The following BCAR3 variants were observed in gnomAD, a reference collection of about 807,000 sequenced individuals.
The protein encoded by BCAR3 is breast cancer anti-estrogen resistance protein 3.
BCAR3 carries 37 observed loss-of-function variants against 80.1 expected under a neutral mutation model. That is an observed-to-expected ratio of 0.46 (90% CI 0.36 to 0.61). The LOEUF (loss-of-function observed/expected upper bound fraction) is 0.61, where lower values mean the gene tolerates loss of function less well. Among genes scored for constraint, BCAR3 ranks in the 20% least tolerant of loss-of-function variants. BCAR3 has a pLI of 0.00. For synonymous variants in BCAR3, 389 were observed against 418.9 expected, an observed-to-expected ratio of 0.93 and a Z score of 0.87; for missense variants, 978 against 1,068.2, an observed-to-expected ratio of 0.92 and a Z score of 1.18.
chr1:93,845,359 A>C (rs936275000), intron 2 of BCAR3, among the ~76,000 whole-genome samples: 1 of 151,762 alleles, frequency 6.6e-6, no homozygotes, highest in Non-Finnish European at 1.5e-5. Flanking sequence ...AAATAAATAC[A>C]ATTTAAAACC....
intron 2 of BCAR3, among the ~76,000 whole-genome samples, chr1:93,668,437 G>T (rs1183588556): frequency 6.6e-6 from 1 of 152,174 alleles, no homozygotes; most frequent in Non-Finnish European, 1.5e-5. Context: ...TGACCCAGCT[G>T]CTCCTGTCCT....
chr1:93,686,767 C>T (rs190599330), upstream of BCAR3, among the ~76,000 whole-genome samples: 5 of 152,212 alleles, frequency 3.3e-5, no homozygotes, highest in Non-Finnish European at 7.3e-5. Flanking sequence ...GCTGGAGGGA[C>T]AAACTCAGTT....
intron 1 of BCAR3, among the ~76,000 whole-genome samples, chr1:93,846,573 T>C (rs1381619867): frequency 6.6e-6 from 1 of 152,072 alleles, no homozygotes; most frequent in Non-Finnish European, 1.5e-5. Context: ...CGCACCCTTC[T>C]GGGCAGCGGC....
chr1:93,633,673 C>T (rs144179547), intron 3 of BCAR3, among the ~76,000 whole-genome samples: 112 of 152,320 alleles, frequency 7.4e-4, no homozygotes, highest in African/African-American at 2.5e-3. Flanking sequence ...CTGGCTCTAT[C>T]GCCCAGTCTG....
chr1:93,744,279 T>C (rs539398451), intron 2 of BCAR3, among the ~76,000 whole-genome samples: 1 of 152,296 alleles, frequency 6.6e-6, no homozygotes, highest in South Asian at 2.1e-4. Flanking sequence ...CCAGGTAAAG[T>C]ATGAAGTTGG....
intron 2 of BCAR3, among the ~76,000 whole-genome samples, chr1:93,745,449 C>T (rs572142732): frequency 6.6e-6 from 1 of 152,330 alleles, no homozygotes; most frequent in Non-Finnish European, 1.5e-5. Flanking sequence ...ATGTTAGCTT[C>T]TTGAGCTGAA....
intron 3 of BCAR3, among the ~76,000 whole-genome samples, chr1:93,595,408 G>A (rs1320581512): frequency 1.3e-5 from 2 of 152,242 alleles, no homozygotes; most frequent in African/African-American, 4.8e-5. Flanking sequence ...CAGCCAGTGA[G>A]GGCTGGCTCG....
At chr1:93,819,901 G>A (rs747824438) in intron 2 of BCAR3, among the ~76,000 whole-genome samples, 4 of 152,114 alleles carry the variant, frequency 2.6e-5, no homozygotes, top group Non-Finnish European at 5.9e-5. Context: ...ACAGTTTTCT[G>A]ATTCTCACCC....
chr1:93,820,398 C>T (rs530599036), intron 2 of BCAR3, among the ~76,000 whole-genome samples: 27 of 152,218 alleles, frequency 1.8e-4, no homozygotes, highest in Non-Finnish European at 3.2e-4. Context: ...AATCACAAGT[C>T]TCAGGTCTCC....
At chr1:93,728,317 G>A (rs1434083790) in intron 2 of BCAR3, among the ~76,000 whole-genome samples, 2 of 152,208 alleles carry the variant, frequency 1.3e-5, no homozygotes, top group African/African-American at 2.4e-5. Context: ...AGGTCGTGGG[G>A]CTCCCACCCC....
chr1:93,683,410 A>G (rs1459428538), upstream of BCAR3, among the ~76,000 whole-genome samples: 1 of 152,236 alleles, frequency 6.6e-6, no homozygotes, highest in Non-Finnish European at 1.5e-5. Context: ...TAGAAAAGCT[A>G]AATTAACATG....
chr1:93,666,849 A>G (rs1447162933), intron 2 of BCAR3, among the ~76,000 whole-genome samples: 1 of 152,210 alleles, frequency 6.6e-6, no homozygotes, highest in African/African-American at 2.4e-5. Context: ...GATTCCAGCC[A>G]GACTCCATCA....
chr1:93,716,792 C>T (rs1424565084), intron 2 of BCAR3, among the ~76,000 whole-genome samples: 1 of 152,218 alleles, frequency 6.6e-6, no homozygotes, highest in Non-Finnish European at 1.5e-5. Context: ...AGCTCCCCTC[C>T]TCATTGGCTG....
chr1:93,755,841 T>C (rs1395409868), intron 2 of BCAR3, among the ~76,000 whole-genome samples: 1 of 152,228 alleles, frequency 6.6e-6, no homozygotes, highest in African/African-American at 2.4e-5. Context: ...TTATCTAAGA[T>C]AATATCTAAT....
intron 2 of BCAR3, among the ~76,000 whole-genome samples, chr1:93,729,302 C>G (rs983742446): frequency 6.6e-6 from 1 of 151,772 alleles, no homozygotes; most frequent in Non-Finnish European, 1.5e-5. Context: ...CTCACGTTAG[C>G]CTAGAGTTGG....
chr1:93,571,951 C>T, intron 8 of BCAR3, 110 bp from the exon 9 acceptor site: 3 of 1,278,890 alleles, frequency 2.3e-6, no homozygotes, highest in East Asian at 4.7e-5. Flanking sequence ...TCCTTTTGCT[C>T]TAAAATGTGC....
At chr1:93,819,363 C>T (rs901769843) in intron 2 of BCAR3, among the ~76,000 whole-genome samples, 1 of 152,214 alleles carries the variant, frequency 6.6e-6, no homozygotes, top group East Asian at 1.9e-4. Flanking sequence ...CACGCCCAGC[C>T]GGGTCGCCCA....
chr1:93,790,706 G>A (rs1471662248), intron 2 of BCAR3, among the ~76,000 whole-genome samples: 1 of 114,400 alleles, frequency 8.7e-6, no homozygotes, highest in African/African-American at 3.9e-5. Context: ...ACATTGTGCA[G>A]GTTAGTTACA....
chr1:93,823,532 A>T (rs1571152268), intron 2 of BCAR3, among the ~76,000 whole-genome samples: 1 of 134,008 alleles, frequency 7.5e-6, no homozygotes, highest in Non-Finnish European at 1.7e-5. Flanking sequence ...AAATGCATAA[A>T]AATATTGTGT....
Sources: gnomAD v4.1 joint callset for allele counts (sites outside exome capture counted in the v4.1 genomes callset) on GRCh38, gnomAD v4.1.1 for gene constraint, MANE v1.5 for transcripts, NCBI Gene and HGNC (gene_info 2026-07-23, HGNC 2026-07-21) for gene names.